Variants in NRXN3 observed in about 807,000 individuals in gnomAD.
NRXN3 encodes neurexin III.
In NRXN3, 32 loss-of-function variants were observed where a neutral mutation model predicts 137.6. That is an observed-to-expected ratio of 0.23 (90% CI 0.18 to 0.31). NRXN3 has a LOEUF of 0.31. Ranked by LOEUF, NRXN3 falls within the 10% of genes least tolerant of loss-of-function variation. The pLI is 1.00. For missense variants in NRXN3, 1,574 were observed against 2,062.5 expected, an observed-to-expected ratio of 0.76 and a Z score of 4.59; for synonymous variants, 798 against 784.5, an observed-to-expected ratio of 1.02 and a Z score of -0.29.
chr14:78,356,721 A>G (rs1275228377), intron 4 of NRXN3, among the ~76,000 whole-genome samples: 1 of 152,224 alleles, frequency 6.6e-6, no homozygotes, highest in Non-Finnish European at 1.5e-5. Flanking sequence ...ATTGTACCAA[A>G]TGGGACATAG....
At chr14:79,754,854 G>A (rs7142324) in intron 19 of NRXN3, among the ~76,000 whole-genome samples, 50,135 of 151,552 alleles carry the variant, frequency 0.33, 8,721 homozygotes, top group Middle Eastern at 0.43. Flanking sequence ...GTTCTCACAA[G>A]ATCTGATGGT....
rs1006123562 is a variant in NRXN3, at chr14:78,968,013, G to A, written c.2969-160G>A. ...TAAATATTGGTTTCCTTTTTTTGCA[G>A]GGTAGAAACTCAGGTGCTTATCTCA... On this transcript the variant is annotated intron_variant, in intron 13 of 20. Transcript: ENST00000335750. Among the ~76,000 whole-genome samples the A allele has an allele frequency of 2.2e-4, 31 of 140,288 alleles. No individual in the cohort carries two copies. Among genetic ancestry groups the A allele is most frequent in the Non-Finnish European group, 4.0e-4 (26 of 65,586 alleles). The allele number at this position is 140,288 out of a possible 152,430, so 92.0% of individuals were successfully genotyped here. A position where few individuals can be genotyped will look rare whatever the true frequency, so the allele number is the denominator to read the frequency against.
At chr14:79,274,311 T>A (rs1275323785) in intron 15 of NRXN3, among the ~76,000 whole-genome samples, 1 of 152,154 alleles carries the variant, frequency 6.6e-6, no homozygotes, top group Non-Finnish European at 1.5e-5. Context: ...ATTGCAATGA[T>A]TCTGAATAAA....
chr14:78,657,046 CAAAAAAAAAAAAAAAA>C (rs1174872709), intron 6 of NRXN3, among the ~76,000 whole-genome samples: 12 of 31,064 alleles, frequency 3.9e-4, no homozygotes, highest in Admixed American at 1.7e-3. Context: ...GACTCCGTCT[CAAAAAAAAAAAAAAAA>C]AAAAAAAAAA....
At chr14:78,268,290 GT>G (rs58273807) in intron 2 of NRXN3, among the ~76,000 whole-genome samples, 1 of 151,906 alleles carries the variant, frequency 6.6e-6, no homozygotes, top group African/African-American at 2.4e-5. Flanking sequence ...GTTTTGTTTT[GT>G]TTTCAAAGAA....
intron 16 of NRXN3, among the ~76,000 whole-genome samples, chr14:79,568,671 G>A (rs1400135057): frequency 1.3e-5 from 2 of 152,166 alleles, no homozygotes; most frequent in Non-Finnish European, 2.9e-5. Flanking sequence ...GTTCCTGTGA[G>A]GACTGCAATG....
At chr14:79,617,574 C>T (rs2098170846) in intron 16 of NRXN3, among the ~76,000 whole-genome samples, 1 of 151,998 alleles carries the variant, frequency 6.6e-6, no homozygotes, top group Non-Finnish European at 1.5e-5. Context: ...CAAAACTGAC[C>T]AGTAGCAGAA....
At chr14:79,579,783 A>G (rs929120919) in intron 16 of NRXN3, among the ~76,000 whole-genome samples, 2 of 152,164 alleles carry the variant, frequency 1.3e-5, no homozygotes, top group African/African-American at 2.4e-5. Context: ...TATCACTTCT[A>G]TGTGTAGGTA....
chr14:78,889,402 G>A (rs2099152820), intron 10 of NRXN3, among the ~76,000 whole-genome samples: 1 of 151,902 alleles, frequency 6.6e-6, no homozygotes, highest in East Asian at 1.9e-4. Context: ...TTGAGTTTGG[G>A]ATCATGACCT....
chr14:79,160,400 C>T (rs192000826), intron 15 of NRXN3, among the ~76,000 whole-genome samples: 61 of 152,020 alleles, frequency 4.0e-4, no homozygotes, highest in Non-Finnish European at 8.1e-4. Flanking sequence ...ATTGTAGGTG[C>T]CCCATTAGTT....
intron 15 of NRXN3, among the ~76,000 whole-genome samples, chr14:79,023,071 A>T (rs987732714): frequency 6.8e-6 from 1 of 147,976 alleles, no homozygotes; most frequent in African/African-American, 2.5e-5. Context: ...GGTGGCTTTG[A>T]GGTCATCAGG....
At chr14:78,297,362 A>AT (rs1328570964) in intron 3 of NRXN3, among the ~76,000 whole-genome samples, 1 of 152,142 alleles carries the variant, frequency 6.6e-6, no homozygotes, top group East Asian at 1.9e-4. Flanking sequence ...TGCCATTGAT[A>AT]TTTTTATTTT....
At chr14:78,384,496 C>G (rs1000457673) in intron 4 of NRXN3, among the ~76,000 whole-genome samples, 20 of 152,130 alleles carry the variant, frequency 1.3e-4, no homozygotes, top group African/African-American at 4.6e-4. Context: ...TGAGAGGTCT[C>G]AAACACACCA....
At chr14:79,380,593 A>G (rs551021310) in intron 15 of NRXN3, among the ~76,000 whole-genome samples, 2 of 152,230 alleles carry the variant, frequency 1.3e-5, no homozygotes, top group East Asian at 1.9e-4. Context: ...AATCCAGTCT[A>G]TCATTGTTGG....
intron 4 of NRXN3, among the ~76,000 whole-genome samples, chr14:78,536,185 G>C (rs2096533807): frequency 6.6e-6 from 1 of 152,132 alleles, no homozygotes; most frequent in Non-Finnish European, 1.5e-5. Context: ...TTTGTATCCT[G>C]TGCTATAGAC....
At chr14:78,971,155 G>T (rs1402459025) in intron 14 of NRXN3, among the ~76,000 whole-genome samples, 2 of 152,072 alleles carry the variant, frequency 1.3e-5, no homozygotes, top group Admixed American at 6.6e-5. Context: ...AGATGGTGGG[G>T]AGGTAAAGGG....
At chr14:79,369,040 C>A (rs569197780) in intron 15 of NRXN3, among the ~76,000 whole-genome samples, 2 of 152,044 alleles carry the variant, frequency 1.3e-5, no homozygotes, top group East Asian at 3.9e-4. Flanking sequence ...GAAAATCAAT[C>A]GTGTGGTAAA....
intron 6 of NRXN3, among the ~76,000 whole-genome samples, chr14:78,671,538 G>A (rs2097935348): frequency 6.6e-6 from 1 of 151,808 alleles, no homozygotes; most frequent in Admixed American, 6.6e-5. Flanking sequence ...ACCTGCACAT[G>A]GACCCTCTGA....
At chr14:79,468,026 T>C (rs1457481225) in intron 16 of NRXN3, among the ~76,000 whole-genome samples, 1 of 152,150 alleles carries the variant, frequency 6.6e-6, no homozygotes, top group Non-Finnish European at 1.5e-5. Context: ...AAATGTGTGA[T>C]AAAAACTGAG....
Sources: gnomAD v4.1 joint callset for allele counts (sites outside exome capture counted in the v4.1 genomes callset) on GRCh38, gnomAD v4.1.1 for gene constraint, MANE v1.5 for transcripts, NCBI Gene and HGNC (gene_info 2026-07-23, HGNC 2026-07-21) for gene names.